SPATA17: variants seen among roughly 807,000 people sequenced by gnomAD.
The protein encoded by SPATA17 is spermatogenesis associated 17.
Under a neutral mutation model 62.2 loss-of-function variants are expected in SPATA17, and 53 were observed. The ratio of observed to expected loss-of-function variants is 0.85; its 90% CI spans 0.68 to 1.07. SPATA17 has a LOEUF of 1.07. Among genes scored for constraint, SPATA17 ranks in the 50% least tolerant of loss-of-function variants. The pLI, the probability that SPATA17 is intolerant of heterozygous loss-of-function variation, is 0.00. For synonymous variants in SPATA17, 146 were observed against 146.8 expected (o/e 0.99, Z 0.04); for missense variants, 466 against 425.5 (o/e 1.10, Z -0.84).
chr1:217,727,957 T>C (rs764655448), intron 5 of SPATA17, among the ~76,000 whole-genome samples: 2 of 152,206 alleles, frequency 1.3e-5, no homozygotes, highest in Non-Finnish European at 2.9e-5. Flanking sequence ...AGCTCTGTTT[T>C]GGGTTGACTA....
At chr1:217,640,163 A>G (rs576627560) in intron 1 of SPATA17, among the ~76,000 whole-genome samples, 1 of 151,886 alleles carries the variant, frequency 6.6e-6, no homozygotes, top group Admixed American at 6.6e-5. Flanking sequence ...TGTGTGAGAT[A>G]GAGGCCTAAC....
chr1:217,798,653 T>C (rs986833082), intron 8 of SPATA17, among the ~76,000 whole-genome samples: 1 of 152,196 alleles, frequency 6.6e-6, no homozygotes, highest in Non-Finnish European at 1.5e-5. Context: ...TTTGTAATAC[T>C]GTGGCCAAGT....
intron 9 of SPATA17, among the ~76,000 whole-genome samples, chr1:217,843,286 T>C (rs1337855438): frequency 6.6e-6 from 1 of 152,084 alleles, no homozygotes; most frequent in Non-Finnish European, 1.5e-5. Context: ...GTATTATTGA[T>C]ACCAGTATTA....
chr1:217,728,772 T>C (rs989111780), intron 5 of SPATA17, among the ~76,000 whole-genome samples: 4 of 152,210 alleles, frequency 2.6e-5, no homozygotes, highest in Non-Finnish European at 5.9e-5. Flanking sequence ...TTATTTTTAT[T>C]ATTCAAACTC....
chr1:217,731,483 T>G (rs1409291348), intron 5 of SPATA17, among the ~76,000 whole-genome samples: 2 of 152,202 alleles, frequency 1.3e-5, no homozygotes, highest in African/African-American at 4.8e-5. Context: ...AGATTTTCAT[T>G]CTAAAAATTC....
rs753822016 is a variant in SPATA17 at position 217,868,906 on chromosome 1, G to A, written c.*1887G>A. The A allele has an allele frequency of 3.3e-5, 5 of 151,992 alleles. No homozygotes were observed. Among genetic ancestry groups the A allele is most frequent in the African/African-American group, 7.3e-5 (3 of 41,366 alleles). 9.4% of individuals were successfully genotyped at this position (151,992 alleles called of 1,614,324 possible). The stretch of plus-strand genomic sequence containing the variant: ...CATGTTGTGCAGGCTGGTCTTGAAC[G>A]CCTGAGCTCAAGTGATCTGCCTGCC... On this transcript the variant is annotated 3_prime_UTR_variant, in exon 11 of 11. Transcript: ENST00000366933.
chr1:217,740,604 A>G (rs1201267398), intron 5 of SPATA17, among the ~76,000 whole-genome samples: 1 of 152,148 alleles, frequency 6.6e-6, no homozygotes, highest in Non-Finnish European at 1.5e-5. Context: ...TTCAATGGAA[A>G]CAAATTTGTT....
intron 3 of SPATA17, among the ~76,000 whole-genome samples, chr1:217,663,093 G>A (rs1456779618): frequency 1.3e-5 from 2 of 152,002 alleles, no homozygotes; most frequent in Non-Finnish European, 1.5e-5. Context: ...CTGGTAACTG[G>A]GAGAAAGAAT....
intron 1 of SPATA17, among the ~76,000 whole-genome samples, chr1:217,637,541 T>C (rs775245502): frequency 6.6e-6 from 1 of 152,186 alleles, no homozygotes; most frequent in Non-Finnish European, 1.5e-5. Context: ...TTCCTTAAGT[T>C]GTCCTGATTT....
intron 1 of SPATA17, among the ~76,000 whole-genome samples, chr1:217,642,277 G>A (rs1670082604): frequency 6.6e-6 from 1 of 152,078 alleles, no homozygotes; most frequent in South Asian, 2.1e-4. Flanking sequence ...TTGAAACTAT[G>A]TATGTATCCT....
intron 8 of SPATA17, among the ~76,000 whole-genome samples, chr1:217,788,043 A>G (rs1673911025): frequency 6.6e-6 from 1 of 152,188 alleles, no homozygotes. Flanking sequence ...AAGGGAGGCC[A>G]TAATGGTACC....
At chr1:217,644,730 G>A (rs17724048) in intron 1 of SPATA17, among the ~76,000 whole-genome samples, 6,949 of 151,784 alleles carry the variant, frequency 0.046, 212 homozygotes, top group Middle Eastern at 0.095. Flanking sequence ...CTTATTTCTA[G>A]TTGATGATGA....
At chr1:217,794,465 T>G (rs1232798598) in intron 8 of SPATA17, among the ~76,000 whole-genome samples, 1 of 152,226 alleles carries the variant, frequency 6.6e-6, no homozygotes, top group African/African-American at 2.4e-5. Context: ...AGCTACTCAC[T>G]TTAAAATTCT....
chr1:217,688,979 G>A (rs1233126791), intron 5 of SPATA17, among the ~76,000 whole-genome samples: 1 of 152,060 alleles, frequency 6.6e-6, no homozygotes, highest in African/African-American at 2.4e-5. Flanking sequence ...GAGATTAGAT[G>A]AAACTCCATT....
intron 9 of SPATA17, among the ~76,000 whole-genome samples, chr1:217,853,873 A>T (rs1675718289): frequency 6.6e-6 from 1 of 152,204 alleles, no homozygotes; most frequent in Non-Finnish European, 1.5e-5. Flanking sequence ...CTTAAGGAAC[A>T]CTAGGCAGAA....
At chr1:217,795,728 T>A (rs960503384) in intron 8 of SPATA17, among the ~76,000 whole-genome samples, 1 of 152,150 alleles carries the variant, frequency 6.6e-6, no homozygotes, top group African/African-American at 2.4e-5. Flanking sequence ...TCCCCTCATC[T>A]CATCCCCAGA....
At chr1:217,775,374 T>C (rs908899863) in intron 7 of SPATA17, among the ~76,000 whole-genome samples, 1 of 152,184 alleles carries the variant, frequency 6.6e-6, no homozygotes. Flanking sequence ...TCCCATTCTA[T>C]GGGCTCCTTC....
intron 7 of SPATA17, 88 bp downstream of exon 7, chr1:217,774,625 AT>A: frequency 9.4e-7 from 1 of 1,069,142 alleles, no homozygotes; most frequent in Non-Finnish European, 1.4e-6. Flanking sequence ...TAATTTAACC[AT>A]TTTTAATTAT....
intron 1 of SPATA17, among the ~76,000 whole-genome samples, chr1:217,647,928 G>A (rs143585727): frequency 8.4e-4 from 128 of 152,026 alleles, no homozygotes; most frequent in Non-Finnish European, 1.5e-3. Context: ...TCACCACGTT[G>A]GCCAGGCTAG....
Sources: allele counts gnomAD v4.1 joint callset (sites outside exome capture counted in the v4.1 genomes callset), GRCh38; gene constraint gnomAD v4.1.1; transcripts MANE v1.5; gene names NCBI Gene and HGNC (gene_info 2026-07-23, HGNC 2026-07-21).